The following MAP2 variants were observed in gnomAD, a reference collection of about 807,000 sequenced individuals.
MAP2 encodes microtubule associated protein 2, also known as microtubule-associated protein 2.
In MAP2, 14 loss-of-function variants were observed where a neutral mutation model predicts 137.6. The observed-to-expected ratio is 0.10, with a 90% CI of 0.07 to 0.16. The LOEUF (loss-of-function observed/expected upper bound fraction) is 0.16, where lower values mean the gene tolerates loss of function less well. Ranked by LOEUF, MAP2 falls within the 10% of genes least tolerant of loss-of-function variation. The probability of loss-of-function intolerance (pLI) is 1.00; values close to 1 mark genes in which losing one functional copy is unlikely to be tolerated. For synonymous variants in MAP2, 786 were observed against 782.3 expected (o/e 1.00, Z -0.08); for missense variants, 2,088 against 2,191.5 (o/e 0.95, Z 0.94).
At chr2:209,616,937 G>A (rs893512924) in intron 3 of MAP2, among the ~76,000 whole-genome samples, 2 of 152,120 alleles carry the variant, frequency 1.3e-5, no homozygotes, top group East Asian at 1.9e-4. Context: ...TAGACTAGGC[G>A]GGGGGACCCA....
intron 7 of MAP2, among the ~76,000 whole-genome samples, chr2:209,691,951 T>G (rs1304209659): frequency 6.6e-6 from 1 of 152,338 alleles, no homozygotes; most frequent in East Asian, 1.9e-4. Context: ...TTAAGTCATA[T>G]CATATAAAAT....
chr2:209,631,351 A>G (rs187224045), intron 4 of MAP2, among the ~76,000 whole-genome samples: 2 of 152,240 alleles, frequency 1.3e-5, no homozygotes, highest in Admixed American at 1.3e-4. Context: ...AAAACTTGGC[A>G]TGAATGTGAT....
chr2:209,701,227 A>G (rs969978787), intron 11 of MAP2, among the ~76,000 whole-genome samples: 12 of 151,962 alleles, frequency 7.9e-5, no homozygotes, highest in African/African-American at 2.9e-4. Flanking sequence ...TTATTACTAC[A>G]TATTTTATAT....
intron 1 of MAP2, among the ~76,000 whole-genome samples, chr2:209,436,008 GTATATATTATA>G (rs1696091048): frequency 1.5e-5 from 1 of 65,150 alleles, no homozygotes; most frequent in Admixed American, 1.4e-4. Flanking sequence ...TATATATACA[GTATATATTATA>G]TATAAAATAT....
chr2:209,700,248 T>C, intron 10 of MAP2, 29 bp from the exon 11 acceptor site: 1 of 1,600,926 alleles, frequency 6.2e-7, no homozygotes, highest in Non-Finnish European at 8.6e-7. Context: ...CAACTAAGTT[T>C]GGGGTTGTTT....
chr2:209,696,809 C>T (rs1328487773), intron 9 of MAP2, 61 bp downstream of exon 9: 1 of 1,553,790 alleles, frequency 6.4e-7, no homozygotes, highest in Non-Finnish European at 8.7e-7. Context: ...TACTTTTTTG[C>T]AGAACTGCCT....
intron 7 of MAP2, among the ~76,000 whole-genome samples, chr2:209,692,099 T>A (rs1285397939): frequency 2.0e-5 from 3 of 152,178 alleles, no homozygotes; most frequent in Non-Finnish European, 2.9e-5. Flanking sequence ...TAACATTATA[T>A]CATTGTGCAT....
chr2:209,617,214 C>A (rs577144060), intron 3 of MAP2, among the ~76,000 whole-genome samples: 35 of 152,144 alleles, frequency 2.3e-4, no homozygotes, highest in African/African-American at 7.5e-4. Flanking sequence ...TAGAGATAGA[C>A]AAAAGGACAG....
At chr2:209,661,174 TC>T (rs2153634320) in intron 5 of MAP2, among the ~76,000 whole-genome samples, 1 of 152,290 alleles carries the variant, frequency 6.6e-6, no homozygotes, top group South Asian at 2.1e-4. Flanking sequence ...AAGATTCAAA[TC>T]TATCTTTTCT....
intron 1 of MAP2, among the ~76,000 whole-genome samples, chr2:209,484,472 A>C (rs1245774682): frequency 6.6e-6 from 1 of 152,164 alleles, no homozygotes; most frequent in African/African-American, 2.4e-5. Context: ...TGGGTCAATC[A>C]CCAGGTCAGC....
chr2:209,510,362 T>A (rs2061580480), intron 2 of MAP2, among the ~76,000 whole-genome samples: 1 of 152,060 alleles, frequency 6.6e-6, no homozygotes, highest in Non-Finnish European at 1.5e-5. Flanking sequence ...TTGTTGGACA[T>A]GCAGACCATT....
In MAP2 at chr2:209,696,219, C is replaced by G; in HGVS notation, c.4049C>G (p.Ala1350Gly). The change falls in exon 8 of 16, where the codon GCT becomes GGT. Residue 1350 changes from alanine (A) to glycine (G), a missense_variant. Physicochemically the swap from Ala to Gly is moderately conservative, Grantham distance 60. This residue lies in a region of MAP2 where 591 missense variants were observed against 642.6 expected (regional missense o/e 0.92). Coordinates refer to ENST00000682079, the MANE Select transcript of MAP2 (RefSeq NM_001375505.1). ...QAEPKDGSPE[A>G]PASPEREEVA... ...GAACCCAAAGATGGTTCCCCAGAGGCTCCAGCTTCCCCTGAGAGAGAAGAG... is the reference window on the plus strand; with the variant it reads ...GAACCCAAAGATGGTTCCCCAGAGGGTCCAGCTTCCCCTGAGAGAGAAGAG... 9.3e-6 allele frequency: 15 copies of G among 1,613,802 alleles called. No individual in the cohort carries two copies. Among genetic ancestry groups the G allele is most frequent in the Non-Finnish European group, 1.3e-5 (15 of 1,179,906 alleles).
chr2:209,703,698 C>CT (rs1398080507), intron 11 of MAP2, among the ~76,000 whole-genome samples: 2 of 152,164 alleles, frequency 1.3e-5, no homozygotes, highest in African/African-American at 4.8e-5. Context: ...GAAAGAGAGA[C>CT]TTGCTTTGGT....
intron 1 of MAP2, among the ~76,000 whole-genome samples, chr2:209,448,246 G>T (rs1699547664): frequency 6.6e-6 from 1 of 152,050 alleles, no homozygotes; most frequent in Non-Finnish European, 1.5e-5. Flanking sequence ...ACATAAAATT[G>T]CTCTCATATA....
At chr2:209,439,288 C>T (rs1559163554) in intron 1 of MAP2, among the ~76,000 whole-genome samples, 1 of 151,556 alleles carries the variant, frequency 6.6e-6, no homozygotes, top group Non-Finnish European at 1.5e-5. Context: ...TCCATGACTA[C>T]ATGTGATTGC....
At chr2:209,582,039 T>C (rs2076542951) in intron 3 of MAP2, among the ~76,000 whole-genome samples, 1 of 152,168 alleles carries the variant, frequency 6.6e-6, no homozygotes, top group South Asian at 2.1e-4. Context: ...TTGTGGTGAG[T>C]TAATTCCTTT....
intron 1 of MAP2, among the ~76,000 whole-genome samples, chr2:209,471,596 C>G (rs1705720629): frequency 1.3e-5 from 2 of 152,088 alleles, no homozygotes; most frequent in Admixed American, 6.6e-5. Flanking sequence ...ACTGTGGGAA[C>G]TTTTTAACCT....
intron 1 of MAP2, among the ~76,000 whole-genome samples, chr2:209,460,513 GA>G (rs1270571207): frequency 6.6e-6 from 1 of 152,028 alleles, no homozygotes. Context: ...GGAACTAGGA[GA>G]AATGATCTTC....
intron 1 of MAP2, among the ~76,000 whole-genome samples, chr2:209,425,194 T>A (rs76228326): frequency 0.021 from 3,217 of 152,260 alleles, 286 homozygotes; most frequent in Admixed American, 0.15. Flanking sequence ...GACTTCAGGA[T>A]TTTTGTCAGA....
Sources: allele counts gnomAD v4.1 joint callset (sites outside exome capture counted in the v4.1 genomes callset), GRCh38; gene constraint gnomAD v4.1.1; regional missense constraint gnomAD v4.1.1; transcripts MANE v1.5; gene names NCBI Gene and HGNC (gene_info 2026-07-23, HGNC 2026-07-21).